HDAC9: variants seen among roughly 807,000 people sequenced by gnomAD.
HDAC9 encodes histone deacetylase 9, also known as MEF-2 interacting transcription repressor (MITR) protein.
In HDAC9, 41 loss-of-function variants were observed where a neutral mutation model predicts 139.4. The observed-to-expected ratio is 0.29, with a 90% CI of 0.23 to 0.38. The LOEUF (loss-of-function observed/expected upper bound fraction) is 0.38, where lower values mean the gene tolerates loss of function less well. Among genes scored for constraint, HDAC9 ranks in the 10% least tolerant of loss-of-function variants. The pLI, the probability that HDAC9 is intolerant of heterozygous loss-of-function variation, is 1.00. For missense variants in HDAC9, 1,147 were observed against 1,297.0 expected (o/e 0.88, Z 1.78); for synonymous variants, 517 against 476.2 (o/e 1.09, Z -1.12).
intron 1 of HDAC9, among the ~76,000 whole-genome samples, chr7:18,341,080 C>A (rs887830205): frequency 2.6e-5 from 4 of 151,470 alleles, no homozygotes; most frequent in East Asian, 3.9e-4. Context: ...AAATATCTGC[C>A]ATCCTTATCT....
chr7:18,184,992 C>T (rs1389579133), intron 2 of HDAC9, among the ~76,000 whole-genome samples: 1 of 152,088 alleles, frequency 6.6e-6, no homozygotes. Context: ...TGTGGTCTGC[C>T]TATGTAATTC....
At chr7:18,968,902 T>C (rs193252030) in intron 24 of HDAC9, among the ~76,000 whole-genome samples, 1 of 128,324 alleles carries the variant, frequency 7.8e-6, no homozygotes, top group Non-Finnish European at 1.5e-5. Context: ...GAGCTTGCAG[T>C]GAGCCGAGAT....
chr7:18,534,201 A>G (rs1021332274), intron 2 of HDAC9, among the ~76,000 whole-genome samples: 2 of 152,176 alleles, frequency 1.3e-5, no homozygotes, highest in Non-Finnish European at 2.9e-5. Flanking sequence ...TATAGACGGC[A>G]TGGACATTTA....
At chr7:18,196,718 A>C (rs1790755110) in intron 2 of HDAC9, among the ~76,000 whole-genome samples, 1 of 152,208 alleles carries the variant, frequency 6.6e-6, no homozygotes, top group Non-Finnish European at 1.5e-5. Context: ...AAATGTGTCC[A>C]CAGCGTACGC....
chr7:18,308,656 T>C (rs555167248), intron 1 of HDAC9, among the ~76,000 whole-genome samples: 1 of 152,192 alleles, frequency 6.6e-6, no homozygotes, highest in South Asian at 2.1e-4. Flanking sequence ...GTCAGATTTA[T>C]AACAAAAAGA....
chr7:18,438,636 CTGTGTGTGCGTG>C (rs1791446125), intron 1 of HDAC9, among the ~76,000 whole-genome samples: 1 of 94,326 alleles, frequency 1.1e-5, no homozygotes, highest in Admixed American at 1.4e-4. Flanking sequence ...CAGTGATATG[CTGTGTGTGCGTG>C]TGTGTGTGTG....
intron 16 of HDAC9, among the ~76,000 whole-genome samples, chr7:18,784,788 T>A (rs1011320588): frequency 6.6e-6 from 1 of 152,116 alleles, no homozygotes; most frequent in African/African-American, 2.4e-5. Flanking sequence ...TCAGAATCAG[T>A]GCCCACATAT....
At chr7:18,309,451 T>G (rs531111161) in intron 1 of HDAC9, among the ~76,000 whole-genome samples, 21 of 152,308 alleles carry the variant, frequency 1.4e-4, no homozygotes, top group Middle Eastern at 3.4e-3. Flanking sequence ...CAATACTTTA[T>G]TGCAGTATTT....
intron 1 of HDAC9, among the ~76,000 whole-genome samples, chr7:18,349,180 A>G (rs1482648901): frequency 6.6e-6 from 1 of 151,946 alleles, no homozygotes; most frequent in Non-Finnish European, 1.5e-5. Context: ...TATGTCTTTC[A>G]TGTTCTAAGG....
chr7:18,182,442 A>T (rs1049971429), intron 2 of HDAC9, among the ~76,000 whole-genome samples: 1 of 152,226 alleles, frequency 6.6e-6, no homozygotes, highest in Non-Finnish European at 1.5e-5. Flanking sequence ...CTGACGGGAA[A>T]ACAGACAAAC....
chr7:18,634,195 T>C (rs1178426174), intron 7 of HDAC9, among the ~76,000 whole-genome samples: 1 of 152,006 alleles, frequency 6.6e-6, no homozygotes, highest in East Asian at 1.9e-4. Flanking sequence ...ATTTGAACAA[T>C]TTTTTTCAGA....
chr7:18,274,999 T>A (rs1001868033), intron 2 of HDAC9, among the ~76,000 whole-genome samples: 4 of 152,178 alleles, frequency 2.6e-5, no homozygotes, highest in African/African-American at 7.2e-5. Context: ...AGCCCCAAAT[T>A]TGTATGTCTA....
At chr7:18,133,387 G>A (rs1294119899) in intron 1 of HDAC9, among the ~76,000 whole-genome samples, 1 of 152,050 alleles carries the variant, frequency 6.6e-6, no homozygotes, top group Non-Finnish European at 1.5e-5. Context: ...TGATATTCTA[G>A]ATGACATGTG....
intron 21 of HDAC9, among the ~76,000 whole-genome samples, chr7:18,868,030 C>T (rs1798623103): frequency 6.6e-6 from 1 of 152,142 alleles, no homozygotes; most frequent in Non-Finnish European, 1.5e-5. Context: ...TATTTTCCAG[C>T]ATTTCTTTGA....
chr7:18,169,461 C>CT (rs1036123906), intron 2 of HDAC9, among the ~76,000 whole-genome samples: 27 of 149,120 alleles, frequency 1.8e-4, no homozygotes, highest in African/African-American at 4.2e-4. Flanking sequence ...GTTTTTTTTT[C>CT]TTTTTTTTTA....
At chr7:18,789,651 A>G (rs1362892112) in intron 16 of HDAC9, among the ~76,000 whole-genome samples, 1 of 152,102 alleles carries the variant, frequency 6.6e-6, no homozygotes, top group Non-Finnish European at 1.5e-5. Context: ...GTCTTCTTAT[A>G]GTTCCAAACC....
At chr7:18,455,791 C>A (rs773612311) in intron 1 of HDAC9, among the ~76,000 whole-genome samples, 1 of 152,140 alleles carries the variant, frequency 6.6e-6, no homozygotes, top group African/African-American at 2.4e-5. Flanking sequence ...TGGTACTCCT[C>A]TCTCCATTTC....
At chr7:18,875,162 A>G (rs150264796) in intron 22 of HDAC9, among the ~76,000 whole-genome samples, 10 of 152,238 alleles carry the variant, frequency 6.6e-5, no homozygotes, top group Admixed American at 1.3e-4. Flanking sequence ...ACATGAAGAA[A>G]TAAATTTTAT....
upstream of HDAC9, among the ~76,000 whole-genome samples, chr7:18,494,672 G>A (rs1031013118): frequency 1.3e-5 from 2 of 152,082 alleles, no homozygotes; most frequent in African/African-American, 2.4e-5. Flanking sequence ...ATAGCTGAAC[G>A]CCACAATGTG....
Sources: allele counts gnomAD v4.1 joint callset (sites outside exome capture counted in the v4.1 genomes callset), GRCh38; gene constraint gnomAD v4.1.1; transcripts MANE v1.5; gene names NCBI Gene and HGNC (gene_info 2026-07-23, HGNC 2026-07-21).